Variants in POPDC3 observed in about 807,000 individuals in gnomAD.
POPDC3 encodes popeye domain-containing protein 3.
A neutral mutation model predicts 28.2 loss-of-function variants in POPDC3; 20 were observed. The observed-to-expected ratio is 0.71, with a 90% CI of 0.50 to 1.03. The LOEUF (loss-of-function observed/expected upper bound fraction) is 1.03, where lower values mean the gene tolerates loss of function less well. POPDC3 is among the 50% of genes least tolerant of loss of function. The pLI is 0.00. For missense variants in POPDC3, 316 were observed against 345.9 expected, an observed-to-expected ratio of 0.91 and a Z score of 0.69; for synonymous variants, 118 against 124.1, an observed-to-expected ratio of 0.95 and a Z score of 0.33.
At chr6:105,159,627 A>T in intron 3 of POPDC3, 84 bp downstream of exon 3, 1 of 751,988 alleles carries the variant, frequency 1.3e-6, no homozygotes, top group Non-Finnish European at 2.3e-6. Flanking sequence ...TGTCTTATCC[A>T]CTGTTGTTTA....
Position 105,176,450 on chromosome 6 carries a change from T to TAA in POPDC3, c.-252+3382_-252+3383insTT, listed in dbSNP as rs544531062. 7.1e-4 allele frequency among the ~76,000 whole-genome samples: 108 copies of TAA among 152,346 alleles called. 1 individual carries two copies. Among genetic ancestry groups the TAA allele is most frequent in the Non-Finnish European group, 5.1e-4 (35 of 68,022 alleles). On this transcript the variant is annotated intron_variant, in intron 1 of 3. Coordinates refer to ENST00000254765, the MANE Select transcript of POPDC3 (RefSeq NM_022361.5). ...TTTTCTGTTCGTTTATGTACAAAGTTAGTTTTTCACACAGGGACTCAAAGT... is the reference window on the plus strand; with the variant it reads ...TTTTCTGTTCGTTTATGTACAAAGTTAAAGTTTTTCACACAGGGACTCAAAGT...
chr6:105,167,340 G>A (rs186562721), intron 1 of POPDC3, among the ~76,000 whole-genome samples: 1 of 152,314 alleles, frequency 6.6e-6, no homozygotes, highest in Non-Finnish European at 1.5e-5. Flanking sequence ...GAGAGATTTA[G>A]CAGTTACTAT....
intron 1 of POPDC3, among the ~76,000 whole-genome samples, chr6:105,170,754 G>A (rs1055721211): frequency 2.6e-5 from 4 of 152,164 alleles, no homozygotes; most frequent in African/African-American, 7.2e-5. Context: ...CAAGAAAATG[G>A]GGTTAGTGAT....
intron 1 of POPDC3, among the ~76,000 whole-genome samples, chr6:105,173,639 CTCA>C (rs1774625680): frequency 2.0e-5 from 3 of 152,140 alleles, no homozygotes; most frequent in Non-Finnish European, 4.4e-5. Flanking sequence ...TCCAAATATC[CTCA>C]TATCTAACCT....
chr6:105,176,695 T>C (rs1320051883), intron 1 of POPDC3, among the ~76,000 whole-genome samples: 1 of 152,168 alleles, frequency 6.6e-6, no homozygotes, highest in Non-Finnish European at 1.5e-5. Context: ...TAGCTGGGAC[T>C]GCAGGCGCAC....
chr6:105,172,884 T>G (rs1425992445), intron 1 of POPDC3, among the ~76,000 whole-genome samples: 8 of 91,958 alleles, frequency 8.7e-5, no homozygotes, highest in Non-Finnish European at 1.4e-4. Context: ...TGGGGCCTGT[T>G]GTGGGGTGGG....
At chr6:105,178,810 G>A (rs1458631676) in intron 1 of POPDC3, 26 of 984,762 alleles carry the variant, frequency 2.6e-5, no homozygotes, top group African/African-American at 3.5e-5. Context: ...GCAACAGTCC[G>A]TAGAATTAAA....
chr6:105,178,383 A>G (rs1474430359), intron 1 of POPDC3, among the ~76,000 whole-genome samples: 1 of 152,142 alleles, frequency 6.6e-6, no homozygotes, highest in East Asian at 1.9e-4. Flanking sequence ...ACACATTTTT[A>G]TTTAATAGCA....
At chr6:105,178,219 C>G (rs1246844587) in intron 1 of POPDC3, among the ~76,000 whole-genome samples, 3 of 152,182 alleles carry the variant, frequency 2.0e-5, no homozygotes, top group Non-Finnish European at 4.4e-5. Context: ...TGCCATGTTG[C>G]TTATGTGTTA....
intron 1 of POPDC3, among the ~76,000 whole-genome samples, chr6:105,164,802 G>A (rs1213841899): frequency 6.6e-6 from 1 of 152,214 alleles, no homozygotes; most frequent in Non-Finnish European, 1.5e-5. Context: ...AGCTACAAAT[G>A]ATGAAGACAA....
chr6:105,171,447 T>A (rs1289644191), intron 1 of POPDC3, among the ~76,000 whole-genome samples: 2 of 152,054 alleles, frequency 1.3e-5, no homozygotes, highest in South Asian at 4.2e-4. Context: ...GGTGGGAGGA[T>A]TGCTTGATCA....
Position 105,161,700 on chromosome 6 carries a change from T to C in POPDC3, c.210A>G (p.Val70=). ...GFLCSAVWAW[V]DVCAADIFSW... ...AAAATATGTCAGCTGCACAGACATCTACCCAAGCCCAGACAGCAGAACAGA... is the reference window on the plus strand; with the variant it reads ...AAAATATGTCAGCTGCACAGACATCCACCCAAGCCCAGACAGCAGAACAGA... The change falls in exon 2 of 4, where the codon GTA becomes GTG. Residue 70 remains valine (V), a synonymous_variant. Coordinates refer to ENST00000254765, the MANE Select transcript of POPDC3 (RefSeq NM_022361.5). 6.2e-7 allele frequency: 1 copy of C among 1,614,148 alleles called. No homozygotes were observed. Among genetic ancestry groups the C allele is most frequent in the South Asian group, 1.1e-5 (1 of 91,084 alleles).
chr6:105,174,599 G>A (rs900213394), intron 1 of POPDC3, among the ~76,000 whole-genome samples: 7 of 152,166 alleles, frequency 4.6e-5, no homozygotes, highest in Non-Finnish European at 8.8e-5. Flanking sequence ...TAACCACACC[G>A]AAAGTTGAGC....
chr6:105,178,751 A>T, intron 1 of POPDC3: 1 of 985,288 alleles, frequency 1.0e-6, no homozygotes, highest in Non-Finnish European at 1.2e-6. Context: ...TTCTATTGTC[A>T]CAAAGAACAA....
At chr6:105,172,554 A>G (rs1774599104) in intron 1 of POPDC3, among the ~76,000 whole-genome samples, 1 of 150,874 alleles carries the variant, frequency 6.6e-6, no homozygotes, top group Admixed American at 6.6e-5. Context: ...CCAAAGGATT[A>G]TAAATCATGC....
At chr6:105,158,862 T>C in intron 3 of POPDC3, 111 bp from the exon 4 acceptor site, 3 of 969,724 alleles carry the variant, frequency 3.1e-6, no homozygotes, top group Non-Finnish European at 4.6e-6. Flanking sequence ...TTTTTTAGGT[T>C]GAAAAAGCCC....
rs959829709 is a variant in POPDC3, at chr6:105,161,641, A to G, written c.269T>C (p.Met90Thr). The G allele has an allele frequency of 4.3e-6, 7 of 1,614,122 alleles. No individual in the cohort carries two copies. In the African/African-American group the frequency reaches 6.7e-5, roughly 15 times the overall value. ...WNFVLFVICF[M>T]QFVHIAYQVR... is the part of the protein sequence containing the mutation. ...TTGATATGCAATATGAACAAATTGC[A>G]TGAAGCAGATGACAAACAGTACAAA... Residue 90 changes from methionine to threonine, a missense_variant, in exon 2 of 4, where the codon ATG becomes ACG. Coordinates refer to ENST00000254765, the MANE Select transcript of POPDC3 (RefSeq NM_022361.5).
intron 1 of POPDC3, among the ~76,000 whole-genome samples, chr6:105,175,268 G>A (rs1381578758): frequency 6.6e-6 from 1 of 152,034 alleles, no homozygotes; most frequent in Non-Finnish European, 1.5e-5. Flanking sequence ...GCTGGGTATA[G>A]TGGCTCATGC....
chr6:105,160,101 C>A, intron 2 of POPDC3: 1 of 209,462 alleles, frequency 4.8e-6, no homozygotes, highest in South Asian at 1.4e-4. Context: ...TTTATGTGTG[C>A]ATATTATACT....
Sources: allele counts gnomAD v4.1 joint callset (sites outside exome capture counted in the v4.1 genomes callset), GRCh38; gene constraint gnomAD v4.1.1; transcripts MANE v1.5; gene names NCBI Gene and HGNC (gene_info 2026-07-23, HGNC 2026-07-21).